GALNTL6: variants seen among roughly 807,000 people sequenced by gnomAD.
The protein encoded by GALNTL6 is polypeptide N-acetylgalactosaminyltransferase like 6, also known as polypeptide N-acetylgalactosaminyltransferase-like 6.
A neutral mutation model predicts 73.7 loss-of-function variants in GALNTL6; 46 were observed. That is an observed-to-expected ratio of 0.62 (90% CI 0.49 to 0.80). The LOEUF (loss-of-function observed/expected upper bound fraction) is 0.80. Among genes scored for constraint, GALNTL6 ranks in the 30% least tolerant of loss-of-function variants. The probability of loss-of-function intolerance (pLI) is 0.00; values close to 1 mark genes in which losing one functional copy is unlikely to be tolerated. For synonymous variants in GALNTL6, 259 were observed against 263.7 expected, an observed-to-expected ratio of 0.98 and a Z score of 0.17; for missense variants, 604 against 755.0, an observed-to-expected ratio of 0.80 and a Z score of 2.34.
intron 2 of GALNTL6, among the ~76,000 whole-genome samples, chr4:171,847,531 C>A (rs1166721788): frequency 6.6e-6 from 1 of 152,122 alleles, no homozygotes; most frequent in Non-Finnish European, 1.5e-5. Context: ...TTTCTTGTAG[C>A]ATGTGATTCT....
intron 5 of GALNTL6, among the ~76,000 whole-genome samples, chr4:172,415,313 C>T (rs1730782335): frequency 6.6e-6 from 1 of 152,146 alleles, no homozygotes; most frequent in South Asian, 2.1e-4. Flanking sequence ...ACACAATTAA[C>T]CCCCAAATCT....
intron 3 of GALNTL6, among the ~76,000 whole-genome samples, chr4:172,307,683 T>G (rs1740192049): frequency 6.6e-6 from 1 of 152,198 alleles, no homozygotes; most frequent in South Asian, 2.1e-4. Context: ...TGCCTTTATT[T>G]CTGGGCTCTC....
chr4:171,916,754 G>C (rs1167982197), intron 2 of GALNTL6, among the ~76,000 whole-genome samples: 3 of 151,794 alleles, frequency 2.0e-5, no homozygotes, highest in African/African-American at 7.3e-5. Context: ...AAAATGCAGG[G>C]AATTATAATA....
chr4:172,452,607 T>G (rs930670435), intron 5 of GALNTL6, among the ~76,000 whole-genome samples: 1 of 152,214 alleles, frequency 6.6e-6, no homozygotes. Flanking sequence ...ATGAAGCTGC[T>G]CCTATGAGTT....
At chr4:172,570,110 A>G (rs1736706855) in intron 5 of GALNTL6, among the ~76,000 whole-genome samples, 1 of 152,224 alleles carries the variant, frequency 6.6e-6, no homozygotes, top group Non-Finnish European at 1.5e-5. Flanking sequence ...AGAAGGTGGA[A>G]GAATACATGG....
At chr4:172,109,084 T>G (rs1485237284) in intron 2 of GALNTL6, among the ~76,000 whole-genome samples, 1 of 151,662 alleles carries the variant, frequency 6.6e-6, no homozygotes, top group South Asian at 2.1e-4. Context: ...TCATATTATG[T>G]CATTTAATTT....
At chr4:172,273,650 G>A (rs549001896) in intron 3 of GALNTL6, among the ~76,000 whole-genome samples, 1 of 152,252 alleles carries the variant, frequency 6.6e-6, no homozygotes, top group African/African-American at 2.4e-5. Context: ...AGGAGGAGTT[G>A]CAGCAGGGAG....
intron 4 of GALNTL6, among the ~76,000 whole-genome samples, chr4:172,344,843 G>A (rs28691833): frequency 0.21 from 31,888 of 151,860 alleles, 3,671 homozygotes; most frequent in East Asian, 0.36. Flanking sequence ...AACCCTTAAG[G>A]GAAGAGACTG....
intron 2 of GALNTL6, among the ~76,000 whole-genome samples, chr4:171,859,207 TAAATG>T (rs145344591): frequency 0.014 from 2,077 of 152,308 alleles, 48 homozygotes; most frequent in African/African-American, 0.047. Context: ...GATGGTAGCA[TAAATG>T]AAAGCACAAG....
intron 2 of GALNTL6, among the ~76,000 whole-genome samples, chr4:171,867,699 A>G (rs1261613469): frequency 6.6e-6 from 1 of 152,204 alleles, no homozygotes; most frequent in Non-Finnish European, 1.5e-5. Context: ...TTCCATGTGG[A>G]TCCAACAGAT....
At chr4:172,976,679 T>G (rs977861000) in intron 10 of GALNTL6, among the ~76,000 whole-genome samples, 4 of 152,268 alleles carry the variant, frequency 2.6e-5, no homozygotes, top group African/African-American at 9.6e-5. Flanking sequence ...CTAAGATTGC[T>G]GACTCCCCAG....
At chr4:172,607,475 A>G (rs980255107) in intron 5 of GALNTL6, among the ~76,000 whole-genome samples, 8 of 152,076 alleles carry the variant, frequency 5.3e-5, no homozygotes, top group Non-Finnish European at 1.2e-4. Context: ...ACATGATTTC[A>G]TTCTTTTTAT....
chr4:172,719,376 T>C (rs982710094), intron 5 of GALNTL6, among the ~76,000 whole-genome samples: 29 of 152,214 alleles, frequency 1.9e-4, no homozygotes, highest in African/African-American at 6.8e-4. Context: ...CCTTTAAGCC[T>C]CAGTGCTGTC....
intron 5 of GALNTL6, among the ~76,000 whole-genome samples, chr4:172,785,002 A>C (rs1739576241): frequency 1.3e-5 from 2 of 152,172 alleles, no homozygotes; most frequent in African/African-American, 4.8e-5. Flanking sequence ...GGACATCTCC[A>C]CAAGGACAGA....
At chr4:171,946,650 T>C (rs1738710833) in intron 2 of GALNTL6, among the ~76,000 whole-genome samples, 1 of 152,138 alleles carries the variant, frequency 6.6e-6, no homozygotes, top group African/African-American at 2.4e-5. Flanking sequence ...ATGAAGAGAA[T>C]AAACTGAGTG....
chr4:172,201,228 G>A (rs969632902), intron 2 of GALNTL6, among the ~76,000 whole-genome samples: 5 of 149,528 alleles, frequency 3.3e-5, no homozygotes, highest in African/African-American at 1.2e-4. Flanking sequence ...GTTGTTTTGA[G>A]ACGGGGTCTT....
chr4:172,033,619 T>C (rs1039931716), intron 2 of GALNTL6, among the ~76,000 whole-genome samples: 1 of 152,132 alleles, frequency 6.6e-6, no homozygotes, highest in East Asian at 1.9e-4. Flanking sequence ...ATTATTTTTA[T>C]ATTTTAAAAT....
intron 5 of GALNTL6, among the ~76,000 whole-genome samples, chr4:172,392,710 T>C (rs28636491): frequency 0.02 from 3,101 of 152,270 alleles, 100 homozygotes; most frequent in African/African-American, 0.069. Flanking sequence ...ATACTAAAAA[T>C]TGTCCTGGCT....
chr4:172,198,798 A>C (rs1735861623), intron 2 of GALNTL6, among the ~76,000 whole-genome samples: 1 of 152,190 alleles, frequency 6.6e-6, no homozygotes, highest in African/African-American at 2.4e-5. Flanking sequence ...CATCAAACCC[A>C]AACCACAATG....
Sources: allele counts gnomAD v4.1 joint callset (sites outside exome capture counted in the v4.1 genomes callset), GRCh38; gene constraint gnomAD v4.1.1; transcripts MANE v1.5; gene names NCBI Gene and HGNC (gene_info 2026-07-23, HGNC 2026-07-21).